GNG2: variants seen among roughly 807,000 people sequenced by gnomAD.
The protein encoded by GNG2 is guanine nucleotide-binding protein G(I)/G(S)/G(O) subunit gamma-2.
In GNG2, 5 loss-of-function variants were observed where a neutral mutation model predicts 5.5. That is an observed-to-expected ratio of 0.91 (90% CI 0.48 to 1.92). The LOEUF is 1.92. Among genes scored for constraint, GNG2 ranks in the 30% most tolerant of loss-of-function variants. The probability of loss-of-function intolerance (pLI) is 0.01; values close to 1 mark genes in which losing one functional copy is unlikely to be tolerated. For missense variants in GNG2, 55 were observed against 88.4 expected (o/e 0.62, Z 1.52); for synonymous variants, 28 against 32.0 (o/e 0.88, Z 0.42).
chr14:51,833,305 A>G (rs1233499242), intron 2 of GNG2, among the ~76,000 whole-genome samples: 1 of 152,172 alleles, frequency 6.6e-6, no homozygotes, highest in African/African-American at 2.4e-5. Context: ...TTCTATGAAA[A>G]TCTTCATCTT....
chr14:51,895,335 A>G (rs373834444), intron 2 of GNG2, among the ~76,000 whole-genome samples: 1 of 152,212 alleles, frequency 6.6e-6, no homozygotes. Flanking sequence ...TAATAGGTGA[A>G]AGTACTTGAG....
chr14:51,951,840 C>T (rs1261479947), intron 3 of GNG2: 1 of 700,446 alleles, frequency 1.4e-6, no homozygotes, highest in Admixed American at 2.0e-5. Flanking sequence ...GTAACAGAGA[C>T]CATATGGCCC....
chr14:51,912,064 G>A (rs1244966504), intron 2 of GNG2, among the ~76,000 whole-genome samples: 1 of 147,396 alleles, frequency 6.8e-6, no homozygotes, highest in Admixed American at 6.8e-5. Context: ...CTTTCAAGAT[G>A]AGGAAATGGA....
intron 2 of GNG2, among the ~76,000 whole-genome samples, chr14:51,894,486 A>T (rs565257082): frequency 2.6e-5 from 4 of 152,102 alleles, no homozygotes; most frequent in Non-Finnish European, 5.9e-5. Context: ...CTTAATTCCA[A>T]CTTTGCTACA....
intron 2 of GNG2, among the ~76,000 whole-genome samples, chr14:51,834,598 T>C (rs556495956): frequency 6.6e-6 from 1 of 152,336 alleles, no homozygotes; most frequent in South Asian, 2.1e-4. Context: ...CCAATGCCAC[T>C]GGGTCCTGGG....
chr14:51,905,228 G>C (rs1259902983), intron 2 of GNG2, among the ~76,000 whole-genome samples: 1 of 152,140 alleles, frequency 6.6e-6, no homozygotes, highest in Non-Finnish European at 1.5e-5. Context: ...CTTGAGAAAA[G>C]TCTATTCTTG....
At position 51,848,799 on chromosome 14, in the gene GNG2, G is replaced by A. The variant is rs80158129; in HGVS notation, c.64+20992G>A. Among the ~76,000 whole-genome samples the A allele has an allele frequency of 8.3e-3, 1,268 of 152,256 alleles. 7 individuals carry two copies. The highest frequency in any genetic ancestry group is 0.014 in the Non-Finnish European group (920 of 68,018). On this transcript the variant is annotated intron_variant, in intron 2 of 3. Coordinates refer to the GNG2 transcript ENST00000553432. ...GATTTGCAGTCCTGGACACCTGTGGGGCTGCCCAGAAGAAGTTGTGGTTCT... is the reference window on the plus strand; with the variant it reads ...GATTTGCAGTCCTGGACACCTGTGGAGCTGCCCAGAAGAAGTTGTGGTTCT...
chr14:51,938,216 T>C (rs952735154), intron 2 of GNG2, among the ~76,000 whole-genome samples: 1 of 152,196 alleles, frequency 6.6e-6, no homozygotes, highest in Non-Finnish European at 1.5e-5. Flanking sequence ...CTCAAAAAAT[T>C]TCCCCCGCTT....
chr14:51,950,246 A>G (rs1020112111), intron 2 of GNG2, among the ~76,000 whole-genome samples: 1 of 152,190 alleles, frequency 6.6e-6, no homozygotes, highest in Non-Finnish European at 1.5e-5. Context: ...TTTAATTTCA[A>G]ATAGAGTGGG....
At chr14:51,921,570 A>G (rs1887016886) in intron 2 of GNG2, among the ~76,000 whole-genome samples, 1 of 152,208 alleles carries the variant, frequency 6.6e-6, no homozygotes, top group Non-Finnish European at 1.5e-5. Flanking sequence ...TCATGCCCAC[A>G]GGGACTCTCT....
chr14:51,866,676 A>T (rs1882915015), intron 1 of GNG2, among the ~76,000 whole-genome samples: 1 of 152,180 alleles, frequency 6.6e-6, no homozygotes, highest in Non-Finnish European at 1.5e-5. Context: ...GTGTCCCCAC[A>T]TGACAGAAGG....
intron 3 of GNG2, among the ~76,000 whole-genome samples, chr14:51,963,827 G>C (rs1889750291): frequency 6.6e-6 from 1 of 152,172 alleles, no homozygotes; most frequent in Admixed American, 6.5e-5. Context: ...AAGATCAAAA[G>C]AGGAAATTTA....
At chr14:51,956,154 T>C (rs1444493586) in intron 3 of GNG2, among the ~76,000 whole-genome samples, 1 of 152,216 alleles carries the variant, frequency 6.6e-6, no homozygotes, top group African/African-American at 2.4e-5. Context: ...TATCTCTTTA[T>C]CCAACTCTTC....
intron 1 of GNG2, among the ~76,000 whole-genome samples, chr14:51,864,092 CCATAGCAGCT>C (rs1422499709): frequency 6.6e-6 from 1 of 152,168 alleles, no homozygotes; most frequent in Non-Finnish European, 1.5e-5. Flanking sequence ...ATACTGTTTT[CCATAGCAGCT>C]GCACTATTTT....
chr14:51,922,557 G>A (rs909302108), intron 2 of GNG2, among the ~76,000 whole-genome samples: 15 of 152,056 alleles, frequency 9.9e-5, no homozygotes, highest in East Asian at 3.8e-4. Context: ...CAACACTGTC[G>A]CTTTTACCTT....
chr14:51,951,698 G>A (rs57720040), intron 3 of GNG2, among the ~76,000 whole-genome samples: 251 of 152,210 alleles, frequency 1.6e-3, no homozygotes, highest in African/African-American at 5.7e-3. Flanking sequence ...AGTCTGACAG[G>A]GTCAATAAAA....
At chr14:51,947,558 A>G (rs1888712215) in intron 2 of GNG2, among the ~76,000 whole-genome samples, 1 of 152,164 alleles carries the variant, frequency 6.6e-6, no homozygotes, top group Admixed American at 6.5e-5. Context: ...CTAGAAAATG[A>G]AAGAAAGTGA....
chr14:51,831,548 TA>T (rs1341941189), intron 2 of GNG2, among the ~76,000 whole-genome samples: 2 of 152,156 alleles, frequency 1.3e-5, no homozygotes, highest in Non-Finnish European at 2.9e-5. Flanking sequence ...ACTATGGTAA[TA>T]AAAAGGGGTC....
At chr14:51,859,955 A>T (rs1030648530), upstream of GNG2, among the ~76,000 whole-genome samples, 2 of 152,182 alleles carry the variant, frequency 1.3e-5, no homozygotes, top group African/African-American at 2.4e-5. Context: ...AACTTGGTTT[A>T]GTTCCCGTGC....
Sources: gnomAD v4.1 joint callset for allele counts (sites outside exome capture counted in the v4.1 genomes callset) on GRCh38, gnomAD v4.1.1 for gene constraint, MANE v1.5 for transcripts, NCBI Gene and HGNC (gene_info 2026-07-23, HGNC 2026-07-21) for gene names.